Variants in ABCC9 observed in about 807,000 individuals in gnomAD.
ABCC9 encodes the protein ATP binding cassette subfamily C member 9.
A neutral mutation model predicts 188.3 loss-of-function variants in ABCC9; 95 were observed. The observed-to-expected ratio is 0.50, with a 90% CI of 0.43 to 0.60. The LOEUF (loss-of-function observed/expected upper bound fraction) is 0.60, where lower values mean the gene tolerates loss of function less well. ABCC9 is among the 20% of genes least tolerant of loss of function. ABCC9 has a pLI of 0.00. For synonymous variants in ABCC9, 659 were observed against 652.7 expected (o/e 1.01, Z -0.15); for missense variants, 1,102 against 1,876.3 (o/e 0.59, Z 7.62).
rs1456676100 is a variant in ABCC9, at chr12:21,798,810, C to T, written c.*2234G>A. 6.2e-5 allele frequency: 9 copies of T among 144,982 alleles called. No homozygotes were observed. The highest frequency in any genetic ancestry group is 2.0e-4 in the African/African-American group (8 of 39,068). 9.0% of individuals were successfully genotyped at this position (144,982 alleles called of 1,614,324 possible). On this transcript the variant is annotated 3_prime_UTR_variant, in exon 40 of 40. Coordinates refer to ENST00000261200, the MANE Select transcript of ABCC9 (RefSeq NM_020297.4). ...GACACATGCACACGTATGTTTATTG[C>T]GGCATTATTCACAATAGCAAAGACT...
chr12:21,824,157 T>TA (rs1363390085), intron 31 of ABCC9, among the ~76,000 whole-genome samples: 1 of 152,218 alleles, frequency 6.6e-6, no homozygotes, highest in Non-Finnish European at 1.5e-5. Context: ...TATTTTGAGA[T>TA]ACGTTCCATT....
At chr12:21,823,365 G>T (rs1265419025) in intron 31 of ABCC9, among the ~76,000 whole-genome samples, 1 of 152,106 alleles carries the variant, frequency 6.6e-6, no homozygotes, top group African/African-American at 2.4e-5. Flanking sequence ...CAACCCAAAA[G>T]TATGTGATCC....
chr12:21,861,554 A>G (rs1449772557), intron 20 of ABCC9, among the ~76,000 whole-genome samples: 2 of 152,078 alleles, frequency 1.3e-5, no homozygotes, highest in Non-Finnish European at 2.9e-5. Flanking sequence ...TTAAAAAGCT[A>G]GTTCACGGAG....
chr12:21,827,258 G>C, intron 31 of ABCC9: 1 of 985,274 alleles, frequency 1.0e-6, no homozygotes, highest in Non-Finnish European at 1.2e-6. Flanking sequence ...CAGAGCATAT[G>C]GTTTGCTTGA....
intron 5 of ABCC9, chr12:21,923,986 G>C: frequency 1.9e-6 from 1 of 534,608 alleles, no homozygotes; most frequent in South Asian, 2.8e-5. Flanking sequence ...ATCATGCTTA[G>C]AAAAAGAAGC....
chr12:21,860,900 A>T, intron 21 of ABCC9, 71 bp downstream of exon 21: 1 of 1,214,882 alleles, frequency 8.2e-7, no homozygotes, highest in South Asian at 1.2e-5. Context: ...ATTCTCTATT[A>T]AAGATTAAAG....
At position 21,844,479 on chromosome 12, in the gene ABCC9, T is replaced by C. The variant is rs727504847; in HGVS notation, c.3315+4A>G. The stretch of plus-strand genomic sequence containing the variant: ...TTGAACTTGGAAGTAACCCAGTTAC[T>C]CACCTGATCAATGATATTAGTATCA... On this transcript the variant is annotated splice_donor_region_variant and intron_variant, in intron 28 of 39. Transcript: ENST00000261200. 1.2e-6 allele frequency: 2 copies of C among 1,612,380 alleles called. No individual in the cohort carries two copies. The highest frequency in any genetic ancestry group is 2.2e-5 in the South Asian group (2 of 91,042).
chr12:21,926,728 G>A (rs1053996254), intron 4 of ABCC9, among the ~76,000 whole-genome samples: 2 of 152,214 alleles, frequency 1.3e-5, no homozygotes, highest in African/African-American at 4.8e-5. Context: ...CTCAGAGGAA[G>A]AAGAGAGGAA....
intron 16 of ABCC9, among the ~76,000 whole-genome samples, chr12:21,882,048 G>T (rs1256508457): frequency 6.6e-6 from 1 of 152,110 alleles, no homozygotes; most frequent in African/African-American, 2.4e-5. Context: ...CCTAAACATA[G>T]CTCTTGGCTC....
chr12:21,872,483 C>T, intron 18 of ABCC9, 142 bp downstream of exon 18: 8 of 665,436 alleles, frequency 1.2e-5, no homozygotes, highest in Non-Finnish European at 1.9e-5. Flanking sequence ...TTAAGGTTTC[C>T]ATCAATTTTT....
At chr12:21,903,973 G>C (rs1947901886) in intron 12 of ABCC9, among the ~76,000 whole-genome samples, 1 of 152,146 alleles carries the variant, frequency 6.6e-6, no homozygotes, top group African/African-American at 2.4e-5. Flanking sequence ...ACATTGCCAA[G>C]ACAATCCTAA....
At chr12:21,933,708 C>A in intron 4 of ABCC9, 74 bp downstream of exon 4, 1 of 1,544,316 alleles carries the variant, frequency 6.5e-7, no homozygotes, top group Non-Finnish European at 8.9e-7. Flanking sequence ...GCACAAGTTA[C>A]AAAGATGTGA....
chr12:21,856,949 G>A (rs189015944), intron 22 of ABCC9, among the ~76,000 whole-genome samples: 5 of 152,248 alleles, frequency 3.3e-5, no homozygotes, highest in East Asian at 3.9e-4. Flanking sequence ...ATAAGTTTCC[G>A]CATTTAGCTT....
Position 21,841,347 on chromosome 12 carries a change from C to CTTTTTTTTTTTTTTTTTTTTTTTTT in ABCC9, c.3473+942_3473+966dup, listed in dbSNP as rs1174314931. On this transcript the variant is annotated intron_variant, in intron 29 of 39. Coordinates refer to ENST00000261200, the MANE Select transcript of ABCC9 (RefSeq NM_020297.4). ...TCTTTGGGATTATGTTTCTGGTTTCCTTTTTTTTTTTTTTTTTTTTTTTTT... is the reference window on the plus strand; with the variant it reads ...TCTTTGGGATTATGTTTCTGGTTTCCTTTTTTTTTTTTTTTTTTTTTTTTTTTTTTTTTTTTTTTTTTTTTTTTTT... Among the ~76,000 whole-genome samples, 2 of 19,604 alleles carry CTTTTTTTTTTTTTTTTTTTTTTTTT rather than the reference C, an allele frequency of 1.0e-4. 1 individual carries two copies. Among genetic ancestry groups the CTTTTTTTTTTTTTTTTTTTTTTTTT allele is most frequent in the African/African-American group, 5.2e-4 (2 of 3,810 alleles). The allele number at this position is 19,604 out of a possible 152,430, so 12.9% of individuals were successfully genotyped here.
At chr12:21,895,100 T>C (rs1947337220) in intron 13 of ABCC9, among the ~76,000 whole-genome samples, 175 bp downstream of exon 13, 1 of 152,180 alleles carries the variant, frequency 6.6e-6, no homozygotes, top group African/African-American at 2.4e-5. Context: ...TGGCTCAAAA[T>C]GTCCATAGTG....
intron 22 of ABCC9, among the ~76,000 whole-genome samples, chr12:21,853,182 C>T (rs11046212): frequency 0.33 from 50,001 of 151,736 alleles, 9,304 homozygotes; most frequent in South Asian, 0.48. Context: ...GGCATGGTGT[C>T]GTGGGCTTGT....
chr12:21,839,553 C>T (rs1432989330), intron 29 of ABCC9, among the ~76,000 whole-genome samples: 2 of 152,178 alleles, frequency 1.3e-5, no homozygotes, highest in Non-Finnish European at 2.9e-5. Context: ...ATATTCATGA[C>T]AACTTTTCTT....
At chr12:21,905,709 G>T (rs1948009648) in intron 12 of ABCC9, among the ~76,000 whole-genome samples, 1 of 152,152 alleles carries the variant, frequency 6.6e-6, no homozygotes, top group Non-Finnish European at 1.5e-5. Flanking sequence ...CAATCGTCAT[G>T]TAGTCAAATC....
chr12:21,833,848 C>T (rs950972289), intron 30 of ABCC9, among the ~76,000 whole-genome samples: 8 of 152,128 alleles, frequency 5.3e-5, no homozygotes, highest in Non-Finnish European at 8.8e-5. Context: ...TGTCCCATCC[C>T]GCCTATATCT....
Sources: allele counts gnomAD v4.1 joint callset (sites outside exome capture counted in the v4.1 genomes callset), GRCh38; gene constraint gnomAD v4.1.1; transcripts MANE v1.5; gene names NCBI Gene and HGNC (gene_info 2026-07-23, HGNC 2026-07-21).